ENO1: variants seen among roughly 807,000 people sequenced by gnomAD.
ENO1 encodes the protein alpha-enolase.
A neutral mutation model predicts 46.3 loss-of-function variants in ENO1; 33 were observed. The ratio of observed to expected loss-of-function variants is 0.71; its 90% CI spans 0.54 to 0.95. The LOEUF (loss-of-function observed/expected upper bound fraction) is 0.95. ENO1 is among the 40% of genes least tolerant of loss of function. The pLI is 0.00. For missense variants in ENO1, 488 were observed against 553.3 expected, an observed-to-expected ratio of 0.88 and a Z score of 1.18; for synonymous variants, 220 against 216.0, an observed-to-expected ratio of 1.02 and a Z score of -0.16.
chr1:8,870,423 C>T lies in ENO1; in HGVS notation c.240+29G>A, dbSNP rs368662699. The T allele has an allele frequency of 3.1e-6, 5 of 1,613,672 alleles. No individual in the cohort carries two copies. The African/African-American group carries it at 5.3e-5, about 17-fold the overall frequency. On this transcript the variant is annotated intron_variant, in intron 4 of 11. Coordinates refer to ENST00000234590, the MANE Select transcript of ENO1 (RefSeq NM_001428.5). ...TGGGAGACGCTCTGGTGGCATTAGA[C>T]ACATTAGTTATCAGGAGGCAGGTCC...
chr1:8,870,813 T>C, intron 3 of ENO1: 1 of 1,379,450 alleles, frequency 7.2e-7, no homozygotes, highest in Admixed American at 2.9e-5. Context: ...TAAAGGCTGT[T>C]CAATCAGTTA....
At chr1:8,864,121 G>A in intron 8 of ENO1, 29 bp from the exon 9 acceptor site, 1 of 1,611,074 alleles carries the variant, frequency 6.2e-7, no homozygotes, top group Middle Eastern at 1.8e-4. Flanking sequence ...CGCTTCATCA[G>A]TGTGATCCTC....
At chr1:8,866,681 T>C (rs1642526413) in intron 6 of ENO1, 180 bp from the exon 7 acceptor site, 1 of 654,922 alleles carries the variant, frequency 1.5e-6, no homozygotes, top group African/African-American at 1.8e-5. Context: ...CTCATGTTTT[T>C]AGAGACAGGG....
intron 2 of ENO1, among the ~76,000 whole-genome samples, chr1:8,874,594 A>AAAAAAAAAAAAAAAAAAAAC (rs1642698504): frequency 6.7e-6 from 1 of 149,984 alleles, no homozygotes; most frequent in Non-Finnish European, 1.5e-5. Context: ...AAAAAAAAAA[A>AAAAAAAAAAAAAAAAAAAAC]AAAAAAGAAA....
intron 11 of ENO1, among the ~76,000 whole-genome samples, chr1:8,862,452 AG>A (rs1173273609): frequency 1.7e-4 from 26 of 152,216 alleles, no homozygotes; most frequent in Admixed American, 2.6e-4. Flanking sequence ...AGACCAGAAC[AG>A]CCCCACAGCG....
intron 3 of ENO1, 157 bp from the exon 4 acceptor site, chr1:8,870,667 G>A: frequency 2.7e-6 from 4 of 1,483,434 alleles, no homozygotes; most frequent in Non-Finnish European, 3.6e-6. Context: ...CAGAATCGGA[G>A]GACTTTCCGG....
In ENO1 at chr1:8,865,317, T is replaced by C; in HGVS notation, c.833A>G (p.Asp278Gly). The change falls in exon 8 of 12, where the codon GAC becomes GGC. Residue 278 changes from aspartate (D) to glycine (G), a missense_variant. Physicochemically the swap from Asp to Gly is moderately conservative, Grantham distance 94. Coordinates refer to ENST00000234590, the MANE Select transcript of ENO1 (RefSeq NM_001428.5). ...SRYISPDQLA[D>G]LYKSFIKDYP... ...GTCCTTGATGAAGGACTTGTACAGGTCAGCCAGCTGGTCAGGCGAGATGTA... is the reference window on the plus strand; with the variant it reads ...GTCCTTGATGAAGGACTTGTACAGGCCAGCCAGCTGGTCAGGCGAGATGTA... 1.2e-6 allele frequency: 2 copies of C among 1,614,088 alleles called. No homozygotes were observed. Among genetic ancestry groups the C allele is most frequent in the Non-Finnish European group, 1.7e-6 (2 of 1,180,004 alleles).
At chr1:8,861,545 A>G in intron 11 of ENO1, 116 bp from the exon 12 acceptor site, 1 of 943,310 alleles carries the variant, frequency 1.1e-6, no homozygotes, top group Non-Finnish European at 1.6e-6. Context: ...TGGGAAGTTG[A>G]GAACACAGAA....
In ENO1 at chr1:8,862,892, G is replaced by T; in HGVS notation, c.1230C>A (p.Leu410=). 1 of 1,614,086 alleles carries T rather than the reference G, an allele frequency of 6.2e-7. No individual in the cohort carries two copies. The highest frequency in any genetic ancestry group is 8.5e-7 in the Non-Finnish European group (1 of 1,179,980). ...RSERLAKYNQ[L]LRIEEELGSK... ...TTCTCAGGAGCCCTCCTTACCTGAGGAGCTGGTTGTACTTGGCCAAGCGCT... is the reference window on the plus strand; with the variant it reads ...TTCTCAGGAGCCCTCCTTACCTGAGTAGCTGGTTGTACTTGGCCAAGCGCT... Residue 410 remains leucine (L), a synonymous_variant, in exon 11 of 12, where the codon CTC becomes CTA. Coordinates refer to ENST00000234590, the MANE Select transcript of ENO1 (RefSeq NM_001428.5).
rs757059130 is a variant in ENO1 at position 8,866,269 on chromosome 1, G to T, written c.667+10C>A. ...GGCTGGGTGGGGGGGCGGTTCCCTAGCGCCTTTACCTTCTTTATTCTCCAG... is the reference window on the plus strand; with the variant it reads ...GGCTGGGTGGGGGGGCGGTTCCCTATCGCCTTTACCTTCTTTATTCTCCAG... On this transcript the variant is annotated intron_variant, in intron 7 of 11. Transcript: ENST00000234590. 35 of 1,613,486 alleles carry T rather than the reference G, an allele frequency of 2.2e-5. No homozygotes were observed. The highest frequency in any genetic ancestry group is 1.7e-4 in the Middle Eastern group (1 of 6,018).
chr1:8,862,344 G>GA (rs1395602403), intron 11 of ENO1, among the ~76,000 whole-genome samples: 1 of 151,790 alleles, frequency 6.6e-6, no homozygotes, highest in Non-Finnish European at 1.5e-5. Context: ...GATACAGTTT[G>GA]AATGAAGGGG....
intron 1 of ENO1, 97 bp from the exon 2 acceptor site, chr1:8,875,014 A>C (rs529706882): frequency 9.9e-7 from 1 of 1,012,002 alleles, no homozygotes; most frequent in African/African-American, 1.6e-5. Context: ...TGGACTAGAG[A>C]GAATCAGCAC....
At chr1:8,868,136 C>T (rs934737286) in intron 4 of ENO1, 79 bp from the exon 5 acceptor site, 3 of 1,046,980 alleles carry the variant, frequency 2.9e-6, no homozygotes, top group Admixed American at 4.2e-5. Flanking sequence ...TGGAATCTGA[C>T]TTTGGAACTG....
chr1:8,870,272 G>A, intron 4 of ENO1, 180 bp downstream of exon 4: 1 of 678,746 alleles, frequency 1.5e-6, no homozygotes. Context: ...TCCCAAAAGT[G>A]GGGTGAGGCA....
At chr1:8,868,125 A>G in intron 4 of ENO1, 68 bp from the exon 5 acceptor site, 6 of 1,161,012 alleles carry the variant, frequency 5.2e-6, no homozygotes, top group Non-Finnish European at 7.7e-6. Context: ...CTCCCCTACC[A>G]TGGAATCTGA....
chr1:8,876,020 CT>C (rs1642724888), intron 1 of ENO1: 1 of 152,016 alleles, frequency 6.6e-6, no homozygotes, highest in African/African-American at 2.4e-5. Context: ...AAGGGGCTTC[CT>C]TTAACACCAC....
At chr1:8,873,642 C>G (rs769241473) in intron 2 of ENO1, 1 of 152,242 alleles carries the variant, frequency 6.6e-6, no homozygotes, top group Admixed American at 6.5e-5. Flanking sequence ...AGAGCCCACA[C>G]AGCAAGCAGC....
chr1:8,861,408 G>A lies in ENO1; in HGVS notation c.1257C>T (p.Ser419=), dbSNP rs1484336861. The A allele has an allele frequency of 6.2e-7, 1 of 1,614,106 alleles. No homozygotes were observed. Among genetic ancestry groups the A allele is most frequent in the Non-Finnish European group, 8.5e-7 (1 of 1,180,020 alleles). Residue 419 remains serine, a synonymous_variant, in exon 12 of 12, where the codon AGC becomes AGT. Transcript: ENST00000234590. ...AGTTCCTGCCGGCAAACTTAGCCTT[G>A]CTGCCCAGCTCCTCTTCAATTCTTG... ...QLLRIEEELG[S]KAKFAGRNFR...
chr1:8,870,802 C>A (rs905316378), intron 3 of ENO1: 1 of 1,388,784 alleles, frequency 7.2e-7, no homozygotes, highest in South Asian at 1.8e-5. Context: ...CAACTGCAGA[C>A]TAAAGGCTGT....
Sources: allele counts gnomAD v4.1 joint callset (sites outside exome capture counted in the v4.1 genomes callset), GRCh38; gene constraint gnomAD v4.1.1; transcripts MANE v1.5; gene names NCBI Gene and HGNC (gene_info 2026-07-23, HGNC 2026-07-21).